Variants in BNIP2 observed in about 807,000 individuals in gnomAD.
The protein encoded by BNIP2 is BCL2/adenovirus E1B 19 kDa protein-interacting protein 2.
BNIP2 carries 36 observed loss-of-function variants against 43.4 expected under a neutral mutation model. The ratio of observed to expected loss-of-function variants is 0.83; its 90% CI spans 0.64 to 1.10. The LOEUF (loss-of-function observed/expected upper bound fraction) is 1.10, where lower values mean the gene tolerates loss of function less well. Among genes scored for constraint, BNIP2 ranks in the 50% least tolerant of loss-of-function variants. The pLI is 0.00. For synonymous variants in BNIP2, 146 were observed against 121.0 expected, an observed-to-expected ratio of 1.21 and a Z score of -1.35; for missense variants, 417 against 374.1, an observed-to-expected ratio of 1.11 and a Z score of -0.95.
chr15:59,671,044 G>C, intron 7 of BNIP2, 139 bp downstream of exon 7: 2 of 784,256 alleles, frequency 2.6e-6, no homozygotes, highest in East Asian at 3.4e-5. Flanking sequence ...TTGCACTCCA[G>C]CCTGGGCAAC....
chr15:59,674,242 C>A (rs1370533650), intron 5 of BNIP2, among the ~76,000 whole-genome samples: 1 of 150,558 alleles, frequency 6.6e-6, no homozygotes, highest in African/African-American at 2.4e-5. Flanking sequence ...TCTGCTTTAA[C>A]CTTCATTTCT....
chr15:59,665,331 G>A (rs1892508644), intron 9 of BNIP2: 1 of 150,886 alleles, frequency 6.6e-6, no homozygotes, highest in African/African-American at 2.4e-5. Flanking sequence ...TTAATTATTG[G>A]CTAGACACAG....
At chr15:59,683,757 T>A (rs1439131217) in intron 1 of BNIP2, among the ~76,000 whole-genome samples, 1 of 152,154 alleles carries the variant, frequency 6.6e-6, no homozygotes, top group Non-Finnish European at 1.5e-5. Context: ...AGGTGGAGGT[T>A]GCAGCGAGCC....
At position 59,661,388 on chromosome 15, in the gene BNIP2, A is replaced by ATGTC. The variant is rs1432282997; in HGVS notation, c.*2677_*2680dup. On this transcript the variant is annotated 3_prime_UTR_variant, in exon 10 of 10. Coordinates refer to ENST00000607373, the MANE Select transcript of BNIP2 (RefSeq NM_004330.4). ...TACAGTGGCATCTTAGGTAACAACT[A>ATGTC]TGTCTTTATCTCTTTATAAAGGTTT... 1 of 151,396 alleles carries ATGTC rather than the reference A, an allele frequency of 6.6e-6. No individual in the cohort carries two copies. The highest frequency in any genetic ancestry group is 1.9e-4 in the East Asian group (1 of 5,172). The allele number at this position is 151,396 out of a possible 1,614,324, so 9.4% of individuals were successfully genotyped here.
chr15:59,679,864 A>T (rs1382430012), intron 3 of BNIP2, 96 bp from the exon 4 acceptor site: 7 of 1,078,026 alleles, frequency 6.5e-6, no homozygotes, highest in Non-Finnish European at 8.9e-6. Flanking sequence ...TCTTGGGAAA[A>T]AATAATATTA....
chr15:59,666,828 T>TA (rs11427336), intron 9 of BNIP2, among the ~76,000 whole-genome samples: 95,831 of 150,478 alleles, frequency 0.64, 30,664 homozygotes, highest in African/African-American at 0.69. Flanking sequence ...TAAACACAAG[T>TA]AAAAAAAAAA....
chr15:59,685,500 CAAAAA>C (rs750702252), intron 1 of BNIP2, among the ~76,000 whole-genome samples: 25 of 152,192 alleles, frequency 1.6e-4, no homozygotes, highest in Admixed American at 4.6e-4. Context: ...GACTCTGTCT[CAAAAA>C]ACAAAACAAA....
In BNIP2 at chr15:59,661,508, T is replaced by C. The variant is rs1239713467; in HGVS notation, c.*2561A>G. 6.6e-6 allele frequency: 1 copy of C among 152,128 alleles called. No homozygotes were observed. Among genetic ancestry groups the C allele is most frequent in the Non-Finnish European group, 1.5e-5 (1 of 68,030 alleles). 9.4% of individuals were successfully genotyped at this position (152,128 alleles called of 1,614,324 possible). A position where few individuals can be genotyped will look rare whatever the true frequency, so the allele number is the denominator to read the frequency against. On this transcript the variant is annotated 3_prime_UTR_variant, in exon 10 of 10. Transcript: ENST00000607373. ...TTCATATCTCCCTCTGAGTTAAAGA[T>C]TGTTAAGCTTAAATTGTGGGGTGAA...
intron 1 of BNIP2, chr15:59,688,671 T>C: frequency 6.6e-7 from 1 of 1,521,008 alleles, no homozygotes; most frequent in African/African-American, 1.4e-5. Flanking sequence ...AGGGAAGATC[T>C]ATTAAAGCCC....
Position 59,662,410 on chromosome 15 carries a change from A to C in BNIP2, c.*1659T>G, listed in dbSNP as rs190413998. Reference sequence around the variant, plus strand: ...CGTTTTGGCTCAATTCACTGTAATGACATTAGTTCAGGATCTGCCAAGAGC... The same window carrying C: ...CGTTTTGGCTCAATTCACTGTAATGCCATTAGTTCAGGATCTGCCAAGAGC... On this transcript the variant is annotated 3_prime_UTR_variant, in exon 10 of 10. Transcript: ENST00000607373. 8.5e-5 allele frequency: 13 copies of C among 152,354 alleles called. No individual in the cohort carries two copies. Among genetic ancestry groups the C allele is most frequent in the Admixed American group, 2.6e-4 (4 of 15,296 alleles). The allele number at this position is 152,354 out of a possible 1,614,324, so 9.4% of individuals were successfully genotyped here. A position where few individuals can be genotyped will look rare whatever the true frequency, so the allele number is the denominator to read the frequency against.
Position 59,660,300 on chromosome 15 carries a change from G to A in BNIP2, c.*3769C>T, listed in dbSNP as rs1057251476. The A allele has an allele frequency of 1.3e-5, 2 of 152,094 alleles. No individual in the cohort carries two copies. The highest frequency in any genetic ancestry group is 4.8e-5 in the African/African-American group (2 of 41,406). The allele number at this position is 152,094 out of a possible 1,614,324, so 9.4% of individuals were successfully genotyped here. A position where few individuals can be genotyped will look rare whatever the true frequency, so the allele number is the denominator to read the frequency against. On this transcript the variant is annotated 3_prime_UTR_variant, in exon 10 of 10. Coordinates refer to ENST00000607373, the MANE Select transcript of BNIP2 (RefSeq NM_004330.4). ...GGTCCATTTCTCAAATGTCCATATAGGATTGGAGAAAAAACAGGCATGAAA... is the reference window on the plus strand; with the variant it reads ...GGTCCATTTCTCAAATGTCCATATAAGATTGGAGAAAAAACAGGCATGAAA...
At chr15:59,682,563 C>T in intron 1 of BNIP2, 49 bp from the exon 2 acceptor site, 1 of 1,454,532 alleles carries the variant, frequency 6.9e-7, no homozygotes, top group Non-Finnish European at 9.5e-7. Flanking sequence ...TACTTTTTAT[C>T]CACTGAAAAG....
chr15:59,679,900 T>C lies in BNIP2; in HGVS notation c.119-132A>G, dbSNP rs534842648. The C allele has an allele frequency of 3.5e-5, 29 of 836,562 alleles. No individual in the cohort carries two copies. The African/African-American group carries it at 3.6e-4, about 10-fold the overall frequency. The allele number at this position is 836,562 out of a possible 1,614,324, so 51.8% of individuals were successfully genotyped here. A position where few individuals can be genotyped will look rare whatever the true frequency, so the allele number is the denominator to read the frequency against. ...ATTGAACATAATTTCAAAGCACCTA[T>C]TCACAAAATTTTTATTCTGATCATT... On this transcript the variant is annotated intron_variant, in intron 3 of 9. Transcript: ENST00000607373.
At position 59,674,901 on chromosome 15, in the gene BNIP2, A is replaced by G. The variant is rs142990310; in HGVS notation, c.473-2162T>C. Among the ~76,000 whole-genome samples, 604 of 152,256 alleles carry G rather than the reference A, an allele frequency of 4.0e-3. 5 individuals are homozygous for G. Among genetic ancestry groups the G allele is most frequent in the African/African-American group, 0.014 (561 of 41,544 alleles). On this transcript the variant is annotated intron_variant, in intron 5 of 9. Coordinates refer to ENST00000607373, the MANE Select transcript of BNIP2 (RefSeq NM_004330.4). Reference sequence around the variant, plus strand: ...TAAGCCTTGTATTTTTGTATATCCCATAAGTATGGAAAGTGGGTGCTGTAT... The same window carrying G: ...TAAGCCTTGTATTTTTGTATATCCCGTAAGTATGGAAAGTGGGTGCTGTAT...
In BNIP2 at chr15:59,661,650, A is replaced by G. The variant is rs1387702666; in HGVS notation, c.*2419T>C. The G allele has an allele frequency of 1.3e-5, 2 of 152,230 alleles. No homozygotes were observed. Among genetic ancestry groups the G allele is most frequent in the Non-Finnish European group, 2.9e-5 (2 of 68,026 alleles). The allele number at this position is 152,230 out of a possible 1,614,324, so 9.4% of individuals were successfully genotyped here. On this transcript the variant is annotated 3_prime_UTR_variant, in exon 10 of 10. Transcript: ENST00000607373. ...GGGGCACTTAGAGCCTAGTGACAGA[A>G]GCATCAAATTAAGCCAGTTAAATTA...
At chr15:59,684,373 G>A (rs1001892959) in intron 1 of BNIP2, among the ~76,000 whole-genome samples, 13 of 152,154 alleles carry the variant, frequency 8.5e-5, no homozygotes, top group African/African-American at 2.4e-4. Context: ...ATAAGTTAAT[G>A]AAAAACATTT....
In BNIP2 at chr15:59,667,210, T is replaced by TTCTC. The variant is rs1265413872; in HGVS notation, c.893+1678_893+1681dup. Among the ~76,000 whole-genome samples the TTCTC allele has an allele frequency of 1.5e-4, 23 of 152,326 alleles. 1 individual carries two copies. The highest frequency in any genetic ancestry group is 2.6e-4 in the Non-Finnish European group (18 of 68,022). On this transcript the variant is annotated intron_variant, in intron 9 of 9. Transcript: ENST00000607373. Reference sequence around the variant, plus strand: ...TGATTCTATCACAAAGTCTACTAAATTCTCACTCATCAACAGAAACAAAAT... The same window carrying TTCTC: ...TGATTCTATCACAAAGTCTACTAAATTCTCTCTCACTCATCAACAGAAACAAAAT...
At chr15:59,685,343 T>C (rs1373664505) in intron 1 of BNIP2, among the ~76,000 whole-genome samples, 1 of 151,826 alleles carries the variant, frequency 6.6e-6, no homozygotes, top group African/African-American at 2.4e-5. Context: ...CCACAAAAAA[T>C]ACAAAAAATC....
chr15:59,664,025 T>C lies in BNIP2; in HGVS notation c.*44A>G, dbSNP rs1293783958. 2.8e-5 allele frequency: 40 copies of C among 1,431,178 alleles called. No individual in the cohort carries two copies. Among genetic ancestry groups the C allele is most frequent in the Non-Finnish European group, 3.8e-5 (40 of 1,054,456 alleles). The allele number at this position is 1,431,178 out of a possible 1,614,324, so 88.7% of individuals were successfully genotyped here. A position where few individuals can be genotyped will look rare whatever the true frequency, so the allele number is the denominator to read the frequency against. On this transcript the variant is annotated 3_prime_UTR_variant, in exon 10 of 10. Coordinates refer to ENST00000607373, the MANE Select transcript of BNIP2 (RefSeq NM_004330.4). ...ATTATGAATGCAGAAACAGCACTGC[T>C]CCATCAGCACATTCTTCAGTCTTGT... is the stretch of plus-strand genomic sequence containing the variant.
Sources: allele counts gnomAD v4.1 joint callset (sites outside exome capture counted in the v4.1 genomes callset), GRCh38; gene constraint gnomAD v4.1.1; transcripts MANE v1.5; gene names NCBI Gene and HGNC (gene_info 2026-07-23, HGNC 2026-07-21).